The following UEVLD variants were observed in gnomAD, a reference collection of about 807,000 sequenced individuals.
The protein encoded by UEVLD is ubiquitin-conjugating enzyme E2 variant 3.
Under a neutral mutation model 58.6 loss-of-function variants are expected in UEVLD, and 47 were observed. That is an observed-to-expected ratio of 0.80 (90% CI 0.63 to 1.02). The LOEUF is 1.02. Among genes scored for constraint, UEVLD ranks in the 50% least tolerant of loss-of-function variants. UEVLD has a pLI of 0.00. For missense variants in UEVLD, 510 were observed against 550.6 expected (o/e 0.93, Z 0.74); for synonymous variants, 197 against 195.3 (o/e 1.01, Z -0.07).
chr11:18,582,526 G>C (rs1294804438), intron 1 of UEVLD, among the ~76,000 whole-genome samples: 1 of 151,422 alleles, frequency 6.6e-6, no homozygotes, highest in Non-Finnish European at 1.5e-5. Context: ...CGTAGAGATG[G>C]GTTTCACCAT....
chr11:18,532,477 T>A lies in UEVLD; in HGVS notation c.1259A>T (p.Asp420Val). The change falls in exon 12 of 12, where the codon GAT becomes GTT. Residue 420 changes from aspartate (D) to valine (V), a missense_variant. By Grantham distance (152) the Asp-to-Val change is radical. Coordinates refer to ENST00000396197, the MANE Select transcript of UEVLD (RefSeq NM_001040697.4). ...ACTTAAAAACACTTCACTATTTATA[T>A]CATAATATCCCTGAAATGAGAAAAA... The part of the protein sequence containing the change: ...SVSALAKGYY[D>V]INSEVFLSLP... 1 of 1,605,612 alleles carries A rather than the reference T, an allele frequency of 6.2e-7. No individual in the cohort carries two copies. Among genetic ancestry groups the A allele is most frequent in the Non-Finnish European group, 8.5e-7 (1 of 1,176,554 alleles).
chr11:18,578,192 C>G (rs992630911), intron 2 of UEVLD, among the ~76,000 whole-genome samples: 1 of 152,104 alleles, frequency 6.6e-6, no homozygotes, highest in African/African-American at 2.4e-5. Flanking sequence ...AATCTAATCA[C>G]ATTGGTCCTT....
intron 3 of UEVLD, among the ~76,000 whole-genome samples, chr11:18,575,009 A>G (rs925467895): frequency 6.6e-6 from 1 of 152,212 alleles, no homozygotes; most frequent in Non-Finnish European, 1.5e-5. Context: ...GAGCTACCAC[A>G]AAGAAGCACC....
chr11:18,532,753 G>GC (rs896770208), intron 11 of UEVLD, among the ~76,000 whole-genome samples: 5 of 152,026 alleles, frequency 3.3e-5, no homozygotes, highest in African/African-American at 4.8e-5. Context: ...AAGCAAGCTA[G>GC]CCCCCCCTGC....
chr11:18,533,503 T>G (rs1463188060), intron 11 of UEVLD, among the ~76,000 whole-genome samples: 1 of 151,260 alleles, frequency 6.6e-6, no homozygotes, highest in Non-Finnish European at 1.5e-5. Context: ...TATGGATATA[T>G]AAACACTATT....
At chr11:18,547,140 T>TA in intron 7 of UEVLD, 90 bp from the exon 8 acceptor site, 1 of 1,383,030 alleles carries the variant, frequency 7.2e-7, no homozygotes. Context: ...TTTCAACAAA[T>TA]AAGAGAGCTT....
chr11:18,566,550 G>C lies in UEVLD; in HGVS notation c.358-68C>G, dbSNP rs543734072. On this transcript the variant is annotated intron_variant, in intron 4 of 11. Coordinates refer to ENST00000396197, the MANE Select transcript of UEVLD (RefSeq NM_001040697.4). ...GCTGAAGAATACTACCTTTGTTGAG[G>C]CAGGAGTATTACTTGAGCCCAGGAG... The C allele has an allele frequency of 1.3e-5, 20 of 1,536,894 alleles. No homozygotes were observed. In the African/African-American group the frequency reaches 1.9e-4, roughly 15 times the overall value.
chr11:18,538,553 T>C (rs958022575), intron 9 of UEVLD, among the ~76,000 whole-genome samples: 15 of 151,658 alleles, frequency 9.9e-5, no homozygotes, highest in Admixed American at 2.6e-4. Flanking sequence ...CCTCAAGTGA[T>C]CCACCCGCCT....
intron 7 of UEVLD, among the ~76,000 whole-genome samples, chr11:18,554,432 T>C (rs956732551): frequency 4.1e-5 from 6 of 146,458 alleles, no homozygotes; most frequent in African/African-American, 1.5e-4. Context: ...TTTTTACTCT[T>C]GTTGCCCAGG....
At chr11:18,570,431 T>C in intron 3 of UEVLD, 54 bp from the exon 4 acceptor site, 1 of 1,446,968 alleles carries the variant, frequency 6.9e-7, no homozygotes, top group Non-Finnish European at 9.1e-7. Context: ...ACACACATTA[T>C]GATATAGCTA....
chr11:18,573,580 A>G (rs909910641), intron 3 of UEVLD, among the ~76,000 whole-genome samples: 4 of 152,342 alleles, frequency 2.6e-5, no homozygotes, highest in African/African-American at 9.6e-5. Context: ...TTCACTCTGC[A>G]ATCTCTGCAT....
In UEVLD at chr11:18,542,981, C is replaced by G. The variant is rs577839360; in HGVS notation, c.1060+1642G>C. Among the ~76,000 whole-genome samples, 58 of 149,788 alleles carry G rather than the reference C, an allele frequency of 3.9e-4. 3 individuals are homozygous for G. Among genetic ancestry groups the G allele is most frequent in the Admixed American group, 3.9e-3 (58 of 14,988 alleles). ...GATCTCGGCTCACTGCAGCCTCCGC[C>G]TCCTGGGTTCAAGCAGTTCTCCTGC... On this transcript the variant is annotated intron_variant, in intron 9 of 11. Coordinates refer to ENST00000396197, the MANE Select transcript of UEVLD (RefSeq NM_001040697.4).
At chr11:18,559,284 C>T (rs1200489805) in intron 6 of UEVLD, among the ~76,000 whole-genome samples, 1 of 152,096 alleles carries the variant, frequency 6.6e-6, no homozygotes, top group East Asian at 1.9e-4. Flanking sequence ...CTGCAACCTC[C>T]ACCTCCCAGG....
intron 9 of UEVLD, among the ~76,000 whole-genome samples, chr11:18,543,243 G>A (rs1412923763): frequency 1.3e-5 from 2 of 152,166 alleles, no homozygotes; most frequent in Non-Finnish European, 2.9e-5. Flanking sequence ...TACATGCTGA[G>A]TGAAGTTAAC....
At chr11:18,541,043 C>T (rs938909991) in intron 9 of UEVLD, among the ~76,000 whole-genome samples, 3 of 152,206 alleles carry the variant, frequency 2.0e-5, no homozygotes, top group Non-Finnish European at 2.9e-5. Flanking sequence ...TCACAATTAA[C>T]TTCTATTAGA....
At chr11:18,564,276 A>G (rs987183874) in intron 6 of UEVLD, among the ~76,000 whole-genome samples, 22 of 152,184 alleles carry the variant, frequency 1.4e-4, no homozygotes, top group South Asian at 6.2e-4. Flanking sequence ...ATAAATATAT[A>G]GAGGTACAGC....
intron 6 of UEVLD, among the ~76,000 whole-genome samples, chr11:18,563,408 T>C (rs1450594790): frequency 6.6e-6 from 1 of 151,714 alleles, no homozygotes. Context: ...CTGGGCAACA[T>C]GGTGAAACTC....
chr11:18,588,674 T>C lies in UEVLD; in HGVS notation c.-20A>G, dbSNP rs769920631. On this transcript the variant is annotated 5_prime_UTR_variant, in exon 1 of 12. Transcript: ENST00000396197. ...CTCCATCTCCAGGCCGGTCCCGAGCTAGGTCCCAGGACTCCAGCCCCCGGA... is the reference window on the plus strand; with the variant it reads ...CTCCATCTCCAGGCCGGTCCCGAGCCAGGTCCCAGGACTCCAGCCCCCGGA... 2 of 1,607,204 alleles carry C rather than the reference T, an allele frequency of 1.2e-6. No individual in the cohort carries two copies. The highest frequency in any genetic ancestry group is 1.7e-6 in the Non-Finnish European group (2 of 1,179,622).
intron 9 of UEVLD, among the ~76,000 whole-genome samples, chr11:18,540,140 C>A (rs1221331508): frequency 6.6e-6 from 1 of 152,180 alleles, no homozygotes; most frequent in Non-Finnish European, 1.5e-5. Flanking sequence ...AGGAAGAGCA[C>A]AGCTTCAGAG....
Sources: allele counts gnomAD v4.1 joint callset (sites outside exome capture counted in the v4.1 genomes callset), GRCh38; gene constraint gnomAD v4.1.1; transcripts MANE v1.5; gene names NCBI Gene and HGNC (gene_info 2026-07-23, HGNC 2026-07-21).